PLCB1: variants seen among roughly 807,000 people sequenced by gnomAD.
PLCB1 encodes the protein 1-phosphatidylinositol 4,5-bisphosphate phosphodiesterase beta-1.
In PLCB1, 46 loss-of-function variants were observed where a neutral mutation model predicts 161.8. The ratio of observed to expected loss-of-function variants is 0.28; its 90% CI spans 0.22 to 0.36. The LOEUF is 0.36. Ranked by LOEUF, PLCB1 falls within the 10% of genes least tolerant of loss-of-function variation. The pLI, the probability that PLCB1 is intolerant of heterozygous loss-of-function variation, is 1.00. For missense variants in PLCB1, 1,016 were observed against 1,472.5 expected (o/e 0.69, Z 5.07); for synonymous variants, 517 against 503.7 (o/e 1.03, Z -0.35).
intron 3 of PLCB1, among the ~76,000 whole-genome samples, chr20:8,530,373 C>G (rs1472582662): frequency 6.6e-6 from 1 of 152,064 alleles, no homozygotes; most frequent in Middle Eastern, 3.2e-3. Flanking sequence ...CTACATCTTA[C>G]AAGCTTTGAT....
intron 2 of PLCB1, among the ~76,000 whole-genome samples, chr20:8,286,424 AATG>A (rs1173582007): frequency 2.0e-4 from 31 of 152,206 alleles, no homozygotes; most frequent in African/African-American, 7.2e-4. Context: ...CATATTATGT[AATG>A]ATATTTCCAT....
At chr20:8,284,691 C>T (rs559585799) in intron 2 of PLCB1, among the ~76,000 whole-genome samples, 20 of 152,244 alleles carry the variant, frequency 1.3e-4, no homozygotes, top group Non-Finnish European at 2.5e-4. Context: ...AATATGAGTG[C>T]ACATTGATAA....
intron 2 of PLCB1, among the ~76,000 whole-genome samples, chr20:8,181,842 C>T (rs1471276317): frequency 2.0e-5 from 3 of 152,080 alleles, no homozygotes; most frequent in East Asian, 1.9e-4. Context: ...TGGCGAATCA[C>T]ATCTATAGTC....
chr20:8,685,753 GAATT>G (rs1990346288), intron 10 of PLCB1, among the ~76,000 whole-genome samples: 1 of 151,576 alleles, frequency 6.6e-6, no homozygotes, highest in South Asian at 2.1e-4. Flanking sequence ...AAAAAAAAAA[GAATT>G]AAGTAATTGC....
chr20:8,318,621 G>T (rs1984766989), intron 2 of PLCB1, among the ~76,000 whole-genome samples: 1 of 152,144 alleles, frequency 6.6e-6, no homozygotes, highest in Admixed American at 6.5e-5. Context: ...TACCAATAAT[G>T]AAGTTTTATT....
chr20:8,309,893 A>G (rs1984316264), intron 2 of PLCB1, among the ~76,000 whole-genome samples: 1 of 152,238 alleles, frequency 6.6e-6, no homozygotes, highest in South Asian at 2.1e-4. Context: ...CCAGAAATAA[A>G]GCACCCAGGG....
intron 31 of PLCB1, among the ~76,000 whole-genome samples, chr20:8,878,797 T>C: frequency 6.6e-6 from 1 of 151,902 alleles, no homozygotes; most frequent in South Asian, 2.1e-4. Context: ...TTTCAACTTT[T>C]ATTTTAGATT....
chr20:8,671,901 C>T (rs1490538371), intron 9 of PLCB1, among the ~76,000 whole-genome samples: 1 of 152,210 alleles, frequency 6.6e-6, no homozygotes, highest in Non-Finnish European at 1.5e-5. Context: ...GCTAACATCT[C>T]TAAGCCTCCG....
At chr20:8,682,985 T>G (rs1990259062) in intron 9 of PLCB1, among the ~76,000 whole-genome samples, 1 of 152,062 alleles carries the variant, frequency 6.6e-6, no homozygotes, top group Non-Finnish European at 1.5e-5. Context: ...AGAAACAACT[T>G]TAATGATCAA....
intron 2 of PLCB1, among the ~76,000 whole-genome samples, chr20:8,174,156 A>G (rs2051759478): frequency 6.6e-6 from 1 of 151,198 alleles, no homozygotes; most frequent in Non-Finnish European, 1.5e-5. Flanking sequence ...CTCAAACAGG[A>G]TACACCTTAG....
chr20:8,807,880 T>C (rs558325147), intron 31 of PLCB1, among the ~76,000 whole-genome samples: 11 of 152,274 alleles, frequency 7.2e-5, no homozygotes, highest in African/African-American at 2.2e-4. Context: ...TTAATCTTAG[T>C]TTCTAATGTG....
At chr20:8,435,545 A>G (rs1166541191) in intron 3 of PLCB1, among the ~76,000 whole-genome samples, 1 of 152,162 alleles carries the variant, frequency 6.6e-6, no homozygotes, top group Non-Finnish European at 1.5e-5. Context: ...GGAGAAGCCT[A>G]CATATCAAGG....
In PLCB1 at chr20:8,816,137, C is replaced by A. The variant is rs142527294; in HGVS notation, c.3423+25876C>A. 5.0e-3 allele frequency among the ~76,000 whole-genome samples: 767 copies of A among 152,030 alleles called. 2 individuals are homozygous for A. The highest frequency in any genetic ancestry group is 0.037 in the Middle Eastern group (11 of 294). On this transcript the variant is annotated intron_variant, in intron 31 of 31. Transcript: ENST00000338037. Reference sequence around the variant, plus strand: ...GAAGGAACTGATCTTTCAGAAAAAACCAGGAGATACAGCTAAGTGCCCAGA... The same window carrying A: ...GAAGGAACTGATCTTTCAGAAAAAAACAGGAGATACAGCTAAGTGCCCAGA...
chr20:8,179,192 G>A (rs755997578), intron 2 of PLCB1, among the ~76,000 whole-genome samples: 2 of 152,146 alleles, frequency 1.3e-5, no homozygotes, highest in Middle Eastern at 3.2e-3. Flanking sequence ...AGTTTGATAA[G>A]AATAGCATCG....
intron 3 of PLCB1, among the ~76,000 whole-genome samples, chr20:8,564,259 G>A (rs1209767803): frequency 6.6e-6 from 1 of 152,226 alleles, no homozygotes; most frequent in Non-Finnish European, 1.5e-5. Context: ...TTAATAAATG[G>A]TGTTGGGAAA....
intron 3 of PLCB1, among the ~76,000 whole-genome samples, chr20:8,472,403 T>C (rs2122718953): frequency 6.6e-6 from 1 of 152,326 alleles, no homozygotes; most frequent in South Asian, 2.1e-4. Context: ...TTAATTTTAC[T>C]GTGAAGTAGA....
At chr20:8,760,556 A>T in intron 25 of PLCB1, 96 bp downstream of exon 25, 1 of 757,966 alleles carries the variant, frequency 1.3e-6, no homozygotes, top group Non-Finnish European at 2.2e-6. Context: ...TATCTGAAAA[A>T]CAACATCATT....
chr20:8,747,971 G>A (rs1365351298), intron 23 of PLCB1, among the ~76,000 whole-genome samples: 3 of 152,060 alleles, frequency 2.0e-5, no homozygotes, highest in Non-Finnish European at 4.4e-5. Flanking sequence ...ACAGAAACTT[G>A]ATATTTCATT....
At chr20:8,664,304 C>G (rs1471222766) in intron 9 of PLCB1, among the ~76,000 whole-genome samples, 3 of 152,016 alleles carry the variant, frequency 2.0e-5, no homozygotes, top group Non-Finnish European at 4.4e-5. Context: ...TCACTACTCG[C>G]TGAGTTAATA....
Sources: gnomAD v4.1 joint callset for allele counts (sites outside exome capture counted in the v4.1 genomes callset) on GRCh38, gnomAD v4.1.1 for gene constraint, MANE v1.5 for transcripts, NCBI Gene and HGNC (gene_info 2026-07-23, HGNC 2026-07-21) for gene names.